IGF2BP1: variants seen among roughly 807,000 people sequenced by gnomAD.
IGF2BP1 encodes insulin like growth factor 2 mRNA binding protein 1, also known as insulin-like growth factor 2 mRNA-binding protein 1.
IGF2BP1 carries 11 observed loss-of-function variants against 74.9 expected under a neutral mutation model. The ratio of observed to expected loss-of-function variants is 0.15; its 90% CI spans 0.09 to 0.24. The LOEUF (loss-of-function observed/expected upper bound fraction) is 0.24, where lower values mean the gene tolerates loss of function less well. Ranked by LOEUF, IGF2BP1 falls within the 10% of genes least tolerant of loss-of-function variation. The probability of loss-of-function intolerance (pLI) is 1.00; values close to 1 mark genes in which losing one functional copy is unlikely to be tolerated. For synonymous variants in IGF2BP1, 287 were observed against 281.8 expected, an observed-to-expected ratio of 1.02 and a Z score of -0.18; for missense variants, 440 against 757.4, an observed-to-expected ratio of 0.58 and a Z score of 4.92.
chr17:49,033,711 T>TA (rs1476383115), intron 5 of IGF2BP1, among the ~76,000 whole-genome samples: 10 of 152,196 alleles, frequency 6.6e-5, no homozygotes, highest in African/African-American at 1.2e-4. Flanking sequence ...CCTTCAATCT[T>TA]ATTCAGCCCC....
intron 2 of IGF2BP1, among the ~76,000 whole-genome samples, chr17:49,006,263 A>T (rs1190364769): frequency 3.9e-5 from 6 of 152,184 alleles, no homozygotes; most frequent in Admixed American, 6.5e-5. Flanking sequence ...GGCAAAGAGG[A>T]ACAAGGAGGA....
At chr17:49,040,596 T>A (rs914591598) in intron 7 of IGF2BP1, among the ~76,000 whole-genome samples, 1 of 152,264 alleles carries the variant, frequency 6.6e-6, no homozygotes, top group Non-Finnish European at 1.5e-5. Context: ...CGTGCCTGCA[T>A]GTACGGATAT....
At chr17:49,026,436 T>G (rs375088348) in intron 3 of IGF2BP1, 30 bp from the exon 4 acceptor site, 10 of 1,609,254 alleles carry the variant, frequency 6.2e-6, no homozygotes, top group Non-Finnish European at 8.5e-6. Flanking sequence ...GACTCAGAGT[T>G]AAGTGTACTT....
intron 9 of IGF2BP1, 45 bp from the exon 10 acceptor site, chr17:49,043,383 C>T: frequency 6.2e-7 from 1 of 1,609,284 alleles, no homozygotes; most frequent in Non-Finnish European, 8.5e-7. Flanking sequence ...CACACAAGCC[C>T]CTGTCAGGGT....
At position 49,032,893 on chromosome 17, in the gene IGF2BP1, G is replaced by T. The variant is rs542378753; in HGVS notation, c.401+920G>T. Among the ~76,000 whole-genome samples, 3 of 152,192 alleles carry T rather than the reference G, an allele frequency of 2.0e-5. No homozygotes were observed. The South Asian group carries it at 6.2e-4, about 32-fold the overall frequency. On this transcript the variant is annotated intron_variant, in intron 5 of 14. Transcript: ENST00000290341. The stretch of plus-strand genomic sequence containing the variant: ...TGCAGTGGCATGATATCTGCTCACT[G>T]CAACCTCAACCTCCTGGGCTCAAGC...
Position 48,997,990 on chromosome 17 carries a change from G to C in IGF2BP1, c.175+70G>C. On this transcript the variant is annotated intron_variant, in intron 1 of 14. Transcript: ENST00000290341. This position sits in a 1 kb window ranked among gnomAD's most constrained non-coding sequence, Gnocchi z 4.8. ...GAACAACGGAGACCCGCACCTTCCG[G>C]TTCCTCTCCCGCCAACTCCTCTCTT... The C allele has an allele frequency of 6.5e-7, 1 of 1,534,338 alleles. No homozygotes were observed. The highest frequency in any genetic ancestry group is 8.9e-7 in the Non-Finnish European group (1 of 1,129,774).
intron 2 of IGF2BP1, among the ~76,000 whole-genome samples, chr17:49,003,254 A>G (rs545748577): frequency 4.7e-4 from 71 of 152,316 alleles, no homozygotes; most frequent in Non-Finnish European, 9.0e-4. Context: ...AATATGTATC[A>G]TTTTAATCTA....
intron 2 of IGF2BP1, among the ~76,000 whole-genome samples, chr17:49,024,363 G>C (rs1011521362): frequency 6.6e-6 from 1 of 152,064 alleles, no homozygotes; most frequent in African/African-American, 2.4e-5. Flanking sequence ...GCAGTGAGCT[G>C]TGTTTATGCC....
At chr17:49,037,861 A>G (rs1309803739) in intron 5 of IGF2BP1, among the ~76,000 whole-genome samples, 2 of 152,222 alleles carry the variant, frequency 1.3e-5, no homozygotes, top group African/African-American at 4.8e-5. Flanking sequence ...TTAGGCTAGC[A>G]GAACCCTATA....
chr17:49,035,654 C>T (rs1052587747), intron 5 of IGF2BP1, among the ~76,000 whole-genome samples: 2 of 152,174 alleles, frequency 1.3e-5, no homozygotes, highest in Non-Finnish European at 2.9e-5. Context: ...GCTGGGGCAC[C>T]TGGGAACGGG....
At chr17:49,042,103 G>T in intron 8 of IGF2BP1, 139 bp from the exon 9 acceptor site, 3 of 1,109,636 alleles carry the variant, frequency 2.7e-6, no homozygotes, top group Admixed American at 2.1e-5. Context: ...AAAGACTGGG[G>T]TTGCAGAGTT....
At chr17:49,045,217 G>GGCCGGGCGCGGTGGCTCACGCCTGTAATC in intron 12 of IGF2BP1, 152 bp downstream of exon 12, 1 of 590,726 alleles carries the variant, frequency 1.7e-6, no homozygotes. Flanking sequence ...GGGCTGCAGA[G>GGCCGGGCGCGGTGGCTCACGCCTGTAATC]CTATTTTCAA....
intron 2 of IGF2BP1, among the ~76,000 whole-genome samples, chr17:49,022,728 C>G (rs757328693): frequency 6.6e-6 from 1 of 152,192 alleles, no homozygotes; most frequent in African/African-American, 2.4e-5. Flanking sequence ...TCTCCCTTCC[C>G]CCATCCCCTC....
chr17:49,016,593 C>T (rs1438548079), intron 2 of IGF2BP1, among the ~76,000 whole-genome samples: 2 of 152,130 alleles, frequency 1.3e-5, no homozygotes, highest in East Asian at 1.9e-4. Flanking sequence ...GGAGGCAGTG[C>T]GTGTATGCCA....
chr17:49,030,164 TAG>T (rs1194235251), intron 4 of IGF2BP1, among the ~76,000 whole-genome samples: 1 of 145,068 alleles, frequency 6.9e-6, no homozygotes, highest in Non-Finnish European at 1.5e-5. Context: ...TTTTTTGAGA[TAG>T]AGTCTCGCTT....
chr17:49,026,616 C>A, intron 4 of IGF2BP1, 99 bp downstream of exon 4: 1 of 761,848 alleles, frequency 1.3e-6, no homozygotes, highest in Non-Finnish European at 2.2e-6. Context: ...TTTCTCCCTT[C>A]CTTCCTTCCT....
intron 14 of IGF2BP1, among the ~76,000 whole-genome samples, chr17:49,048,393 C>T (rs1193151196): frequency 3.3e-5 from 5 of 152,004 alleles, no homozygotes; most frequent in South Asian, 2.1e-4. Flanking sequence ...GCTGGGATTA[C>T]AGGCGCACGT....
chr17:49,040,147 C>T (rs891360434), intron 7 of IGF2BP1, 56 bp downstream of exon 7: 2 of 1,587,816 alleles, frequency 1.3e-6, no homozygotes. Context: ...TTGAGCCTCC[C>T]CAACTCAACT....
intron 4 of IGF2BP1, among the ~76,000 whole-genome samples, chr17:49,027,327 G>A (rs1308920002): frequency 6.6e-6 from 1 of 152,114 alleles, no homozygotes; most frequent in Non-Finnish European, 1.5e-5. Context: ...GCATTCAATC[G>A]GAGTTACTCT....
Sources: allele counts gnomAD v4.1 joint callset (sites outside exome capture counted in the v4.1 genomes callset), GRCh38; gene constraint gnomAD v4.1.1; non-coding constraint Gnocchi (gnomAD v3.1); transcripts MANE v1.5; gene names NCBI Gene and HGNC (gene_info 2026-07-23, HGNC 2026-07-21).